SDK2: variants seen among roughly 807,000 people sequenced by gnomAD.
The protein encoded by SDK2 is sidekick cell adhesion molecule 2.
A neutral mutation model predicts 253.9 loss-of-function variants in SDK2; 105 were observed. The observed-to-expected ratio is 0.41, with a 90% confidence interval of 0.35 to 0.49. The LOEUF (loss-of-function observed/expected upper bound fraction) is 0.49. Ranked by LOEUF, SDK2 falls within the 20% of genes least tolerant of loss-of-function variation. The pLI is 0.06. For synonymous variants in SDK2, 1,249 were observed against 1,234.9 expected (o/e 1.01, Z -0.24); for missense variants, 2,608 against 3,003.0 (o/e 0.87, Z 3.07).
intron 2 of SDK2, among the ~76,000 whole-genome samples, chr17:73,490,111 C>T (rs1394707648): frequency 6.6e-6 from 1 of 152,110 alleles, no homozygotes; most frequent in Non-Finnish European, 1.5e-5. Flanking sequence ...TGTGTCCTTT[C>T]TCAGAGCCGC....
At chr17:73,432,076 C>A (rs1024835420) in intron 10 of SDK2, among the ~76,000 whole-genome samples, 1 of 151,904 alleles carries the variant, frequency 6.6e-6, no homozygotes, top group Non-Finnish European at 1.5e-5. Flanking sequence ...GGGCATCCTG[C>A]GGCAGGATGC....
chr17:73,500,138 TCCTCCCTCCAC>T (rs2063875979), intron 2 of SDK2, among the ~76,000 whole-genome samples: 3 of 138,996 alleles, frequency 2.2e-5, no homozygotes, highest in African/African-American at 8.3e-5. Context: ...CCTCCATCCA[TCCTCCCTCCAC>T]TCTCCTCCAT....
At position 73,379,468 on chromosome 17, in the gene SDK2, T is replaced by C; in HGVS notation, c.4844A>G (p.Glu1615Gly). The C allele has an allele frequency of 6.2e-7, 1 of 1,608,734 alleles. No homozygotes were observed. Among genetic ancestry groups the C allele is most frequent in the Non-Finnish European group, 8.5e-7 (1 of 1,177,550 alleles). The change falls in exon 35 of 45, where the codon GAG (glutamate) becomes GGG (glycine). Residue 1615 changes from glutamate to glycine, a missense_variant. By Grantham distance (98) the Glu-to-Gly change is moderately conservative. Transcript: ENST00000392650. This position sits in a 1 kb window ranked among gnomAD's most constrained non-coding sequence, Gnocchi z 4.5. ...CTCACCTGCCTCCCCAACAAAGACCTCCTGCGGGGGGCTGGAGGGCCCCTC... is the reference window on the plus strand; with the variant it reads ...CTCACCTGCCTCCCCAACAAAGACCCCCTGCGGGGGGCTGGAGGGCCCCTC... ...VGEGPSSPPQ[E>G]VFVGEAVPTA...
At chr17:73,408,057 TTTTTTTTC>T (rs1161729384) in intron 18 of SDK2, among the ~76,000 whole-genome samples, 6,657 of 140,538 alleles carry the variant, frequency 0.047, 638 homozygotes, top group South Asian at 0.13. Flanking sequence ...CTTTTTTTTT[TTTTTTTTC>T]TTTTGAGACA....
intron 1 of SDK2, among the ~76,000 whole-genome samples, chr17:73,574,485 GT>G (rs1166495223): frequency 6.6e-6 from 1 of 152,124 alleles, no homozygotes; most frequent in Non-Finnish European, 1.5e-5. Context: ...AGCCTTATTA[GT>G]TTTTTCTCTC....
intron 23 of SDK2, 47 bp downstream of exon 23, chr17:73,398,273 C>T (rs73999034): frequency 1.2e-6 from 2 of 1,605,228 alleles, no homozygotes; most frequent in East Asian, 2.2e-5. Flanking sequence ...CCCCCACCCA[C>T]CCCCAGCCCT....
chr17:73,640,178 A>G (rs2046380441), intron 1 of SDK2, among the ~76,000 whole-genome samples: 2 of 150,264 alleles, frequency 1.3e-5, no homozygotes, highest in Non-Finnish European at 1.5e-5. Flanking sequence ...CCTGGCCCCT[A>G]TGCCGGCCTT....
intron 1 of SDK2, among the ~76,000 whole-genome samples, chr17:73,558,855 T>C (rs1431447472): frequency 6.6e-6 from 1 of 152,192 alleles, no homozygotes; most frequent in Non-Finnish European, 1.5e-5. Context: ...CTTCTGGAAC[T>C]GTGGGCCACC....
At chr17:73,593,469 G>A (rs369395383) in intron 1 of SDK2, among the ~76,000 whole-genome samples, 1 of 152,170 alleles carries the variant, frequency 6.6e-6, no homozygotes, top group Non-Finnish European at 1.5e-5. Flanking sequence ...TGAGGCATGC[G>A]CTCTGGGCCC....
At chr17:73,358,031 A>T in intron 40 of SDK2, 48 bp downstream of exon 40, 1 of 1,611,070 alleles carries the variant, frequency 6.2e-7, no homozygotes, top group South Asian at 1.1e-5. Context: ...CCCAGGAAGA[A>T]GGGAGATAAT....
intron 44 of SDK2, among the ~76,000 whole-genome samples, chr17:73,346,615 C>A (rs1459746103): frequency 6.6e-6 from 1 of 152,174 alleles, no homozygotes; most frequent in East Asian, 1.9e-4. Context: ...TCACCCCCAG[C>A]TGAATTATAG....
At chr17:73,441,000 C>T (rs1023982144) in intron 5 of SDK2, 77 bp from the exon 6 acceptor site, 16 of 1,105,620 alleles carry the variant, frequency 1.4e-5, no homozygotes, top group East Asian at 2.6e-5. Flanking sequence ...AGGCTGATGC[C>T]CTGGGAGGTC....
intron 27 of SDK2, 89 bp downstream of exon 27, chr17:73,393,471 A>G (rs1302464228): frequency 8.1e-7 from 1 of 1,239,466 alleles, no homozygotes; most frequent in South Asian, 1.9e-5. Flanking sequence ...TGTGGGGCAG[A>G]GCCTGACCCC....
chr17:73,585,761 G>A (rs555720778), intron 1 of SDK2, among the ~76,000 whole-genome samples: 1 of 152,294 alleles, frequency 6.6e-6, no homozygotes, highest in Admixed American at 6.5e-5. Context: ...GGGTGGTAGT[G>A]ACCAGAAGGG....
rs374297809 is a variant in SDK2 at position 73,401,243 on chromosome 17, G to A, written c.2780-32C>T. On this transcript the variant is annotated intron_variant, in intron 20 of 44. Coordinates refer to ENST00000392650, the MANE Select transcript of SDK2 (RefSeq NM_001144952.2). Reference sequence around the variant, plus strand: ...AGAGCCGCCGTGTTGGCATGAGCTTGGCTGTGATCACAAGTTGGCCTGACC... The same window carrying A: ...AGAGCCGCCGTGTTGGCATGAGCTTAGCTGTGATCACAAGTTGGCCTGACC... 7 of 1,518,176 alleles carry A rather than the reference G, an allele frequency of 4.6e-6. No individual in the cohort carries two copies. In the African/African-American group the frequency reaches 8.3e-5, roughly 18 times the overall value. The allele number at this position is 1,518,176 out of a possible 1,614,324, so 94.0% of individuals were successfully genotyped here.
chr17:73,358,821 G>A (rs1340390917), intron 39 of SDK2, among the ~76,000 whole-genome samples: 1 of 152,114 alleles, frequency 6.6e-6, no homozygotes, highest in Non-Finnish European at 1.5e-5. Context: ...GGAGGCCTTG[G>A]GGCCTGTGCT....
rs1433212627 is a variant in SDK2 at position 73,483,690 on chromosome 17, TATATATATATATATATA to T, written c.225-11489_225-11473del. 4.6e-3 allele frequency among the ~76,000 whole-genome samples: 377 copies of T among 81,666 alleles called. 33 individuals are homozygous for T. Among genetic ancestry groups the T allele is most frequent in the African/African-American group, 0.018 (363 of 20,624 alleles). 53.6% of individuals were successfully genotyped at this position (81,666 alleles called of 152,430 possible). ...ATATATATATATATATATTTATATA[TATATATATATATATATA>T]TTTTTTTTTTTTTTTAGTAGAGTTG... On this transcript the variant is annotated intron_variant, in intron 2 of 44. Coordinates refer to ENST00000392650, the MANE Select transcript of SDK2 (RefSeq NM_001144952.2).
rs1394415067 is a variant in SDK2 at position 73,616,143 on chromosome 17, CTCT to C, written c.64+27879_64+27881del. On this transcript the variant is annotated intron_variant, in intron 1 of 44. Transcript: ENST00000392650. The surrounding 1 kb of genome is among the most constrained non-coding windows in gnomAD (Gnocchi z 5.2). Reference sequence around the variant, plus strand: ...ATCCAGTTTGTGGAATCGGTACCTCCTCTTCCCCAGAACATCAGGAAGCGACCA... The same window carrying C: ...ATCCAGTTTGTGGAATCGGTACCTCCTCCCCAGAACATCAGGAAGCGACCA... Among the ~76,000 whole-genome samples, 4 of 152,208 alleles carry C rather than the reference CTCT, an allele frequency of 2.6e-5. No individual in the cohort carries two copies. Among genetic ancestry groups the C allele is most frequent in the African/African-American group, 9.7e-5 (4 of 41,450 alleles).
chr17:73,527,008 C>T (rs908750228), intron 1 of SDK2, among the ~76,000 whole-genome samples: 4 of 152,224 alleles, frequency 2.6e-5, no homozygotes, highest in African/African-American at 9.6e-5. Flanking sequence ...CACAAGCTGG[C>T]CTGAGAGATA....
Sources: allele counts gnomAD v4.1 joint callset (sites outside exome capture counted in the v4.1 genomes callset), GRCh38; gene constraint gnomAD v4.1.1; non-coding constraint Gnocchi (gnomAD v3.1); transcripts MANE v1.5; gene names NCBI Gene and HGNC (gene_info 2026-07-23, HGNC 2026-07-21).